Variants in PLA2G4D observed in about 807,000 individuals in gnomAD.
PLA2G4D encodes the protein phospholipase A2 group IVD, also known as cytosolic phospholipase A2 delta.
In PLA2G4D, 80 loss-of-function variants were observed where a neutral mutation model predicts 94.4. The ratio of observed to expected loss-of-function variants is 0.85; its 90% CI spans 0.71 to 1.02. PLA2G4D has a LOEUF of 1.02. Among genes scored for constraint, PLA2G4D ranks in the 50% least tolerant of loss-of-function variants. The probability of loss-of-function intolerance (pLI) is 0.00; values close to 1 mark genes in which losing one functional copy is unlikely to be tolerated. For synonymous variants in PLA2G4D, 438 were observed against 440.9 expected (o/e 0.99, Z 0.08); for missense variants, 1,050 against 1,034.7 (o/e 1.01, Z -0.20).
chr15:42,087,070 C>A (rs370529950), intron 3 of PLA2G4D, among the ~76,000 whole-genome samples: 2 of 152,124 alleles, frequency 1.3e-5, no homozygotes, highest in African/African-American at 4.8e-5. Context: ...AGCTGGGCTT[C>A]GAGAGGAACC....
chr15:42,078,549 T>C (rs1889972215), intron 13 of PLA2G4D, among the ~76,000 whole-genome samples: 3 of 152,236 alleles, frequency 2.0e-5, no homozygotes. Context: ...TTCTAAGCAG[T>C]GTTGTACTTA....
intron 5 of PLA2G4D, 135 bp downstream of exon 5, chr15:42,085,356 C>A: frequency 8.9e-7 from 1 of 1,124,038 alleles, no homozygotes. Context: ...AGCCCCGCCC[C>A]ACTCCCGACC....
chr15:42,086,404 C>G, intron 3 of PLA2G4D, 60 bp from the exon 4 acceptor site: 2 of 1,548,238 alleles, frequency 1.3e-6, no homozygotes, highest in Non-Finnish European at 1.8e-6. Flanking sequence ...TAGCTCACCT[C>G]TGTTGAGCCC....
At chr15:42,079,462 G>T in intron 13 of PLA2G4D, 75 bp downstream of exon 13, 1 of 1,430,458 alleles carries the variant, frequency 7.0e-7, no homozygotes, top group Non-Finnish European at 9.4e-7. Flanking sequence ...GCACGCGCAT[G>T]TCAGCCGCTT....
chr15:42,086,194 T>TGGGGGGGGGCGGC lies in PLA2G4D; in HGVS notation c.387+18_387+19insGCCGCCCCCCCCC. 7.3e-7 allele frequency: 1 copy of TGGGGGGGGGCGGC among 1,370,444 alleles called. No homozygotes were observed. The highest frequency in any genetic ancestry group is 9.6e-7 in the Non-Finnish European group (1 of 1,043,084). The allele number at this position is 1,370,444 out of a possible 1,614,324, so 84.9% of individuals were successfully genotyped here. On this transcript the variant is annotated intron_variant, in intron 4 of 19. Coordinates refer to ENST00000290472, the MANE Select transcript of PLA2G4D (RefSeq NM_178034.4). ...GGAAGAAGTGGGGCCCACGGGGACT[T>TGGGGGGGGGCGGC]CCCCACCCACCCACCCACCTGGGGA...
At position 42,084,249 on chromosome 15, in the gene PLA2G4D, C is replaced by A. The variant is rs982382817; in HGVS notation, c.472-470G>T. On this transcript the variant is annotated intron_variant, in intron 6 of 19. Transcript: ENST00000290472. This position sits in a 1 kb window ranked among gnomAD's most constrained non-coding sequence, Gnocchi z 4.8. ...GGGGACAATGACAAGGCCAGGCCCC[C>A]GTGGCCTTGCCAAGGGAGCCTCTGC... Among the ~76,000 whole-genome samples, 2 of 152,096 alleles carry A rather than the reference C, an allele frequency of 1.3e-5. No homozygotes were observed. Among genetic ancestry groups the A allele is most frequent in the East Asian group, 3.9e-4 (2 of 5,172 alleles).
Position 42,080,992 on chromosome 15 carries a change from C to T in PLA2G4D, c.1094+5G>A. On this transcript the variant is annotated splice_donor_5th_base_variant and intron_variant, in intron 12 of 19. Coordinates refer to ENST00000290472, the MANE Select transcript of PLA2G4D (RefSeq NM_178034.4). ...CTCTGCCACCCAGTCCCCCAGGATC[C>T]TCACCACGTAGAGCCAGAGATGCCA... The T allele has an allele frequency of 6.2e-7, 1 of 1,613,392 alleles. No homozygotes were observed. Among genetic ancestry groups the T allele is most frequent in the South Asian group, 1.1e-5 (1 of 91,012 alleles).
Position 42,068,424 on chromosome 15 carries a change from A to C in PLA2G4D, c.*291T>G. On this transcript the variant is annotated 3_prime_UTR_variant, in exon 20 of 20. Coordinates refer to ENST00000290472, the MANE Select transcript of PLA2G4D (RefSeq NM_178034.4). ...ATCTGCTGCCTCCGGCTTGCACTTC[A>C]AATCTATCCTGCTCAGGCATGGAAG... is the stretch of plus-strand genomic sequence containing the variant. 2.5e-6 allele frequency: 1 copy of C among 398,204 alleles called. No individual in the cohort carries two copies. The highest frequency in any genetic ancestry group is 4.6e-6 in the Non-Finnish European group (1 of 216,226). 24.7% of individuals were successfully genotyped at this position (398,204 alleles called of 1,614,324 possible).
Position 42,079,543 on chromosome 15 carries a change from G to C in PLA2G4D, c.1311C>G (p.His437Gln). 1 of 1,600,876 alleles carries C rather than the reference G, an allele frequency of 6.2e-7. No individual in the cohort carries two copies. The highest frequency in any genetic ancestry group is 8.5e-7 in the Non-Finnish European group (1 of 1,176,832). The change falls in exon 13 of 20, where the codon CAC becomes CAG. Residue 437 changes from histidine (H) to glutamine (Q), a missense_variant. His to Gln is a conservative substitution (Grantham distance 24, BLOSUM62 0). Transcript: ENST00000290472. Reference sequence around the variant, plus strand: ...ACGTGCGCAGGCGCCCTACCTGGCCGTGCAGCATGGACTCCAGCACTAGCG... The same window carrying C: ...ACGTGCGCAGGCGCCCTACCTGGCCCTGCAGCATGGACTCCAGCACTAGCG... ...LWALVLESML[H>Q]GQVMDQKLSG... is the part of the protein sequence containing the mutation.
At chr15:42,086,446 T>C in intron 3 of PLA2G4D, 102 bp from the exon 4 acceptor site, 1 of 1,171,602 alleles carries the variant, frequency 8.5e-7, no homozygotes, top group African/African-American at 1.5e-5. Flanking sequence ...AGAAGATCAT[T>C]ATGCCACCAC....
At chr15:42,090,712 G>A (rs7166093) in intron 1 of PLA2G4D, among the ~76,000 whole-genome samples, 12,297 of 152,214 alleles carry the variant, frequency 0.081, 627 homozygotes, top group Middle Eastern at 0.14. Context: ...CTCCCAAATC[G>A]CTGACACTTA....
intron 1 of PLA2G4D, among the ~76,000 whole-genome samples, chr15:42,089,988 C>T (rs1890221517): frequency 6.6e-6 from 1 of 152,204 alleles, no homozygotes; most frequent in Admixed American, 6.5e-5. Flanking sequence ...CGATTCTCTT[C>T]ACCTCTAAGA....
Position 42,071,207 on chromosome 15 carries a change from G to A in PLA2G4D, c.1792C>T (p.Leu598Phe), listed in dbSNP as rs765087738. 13 of 1,613,408 alleles carry A rather than the reference G, an allele frequency of 8.1e-6. No homozygotes were observed. The South Asian group carries it at 1.3e-4, about 16-fold the overall frequency. Residue 598 changes from leucine (L) to phenylalanine (F), a missense_variant, in exon 17 of 20, where the codon CTC becomes TTC. Leu to Phe is a conservative substitution (Grantham distance 22). Coordinates refer to ENST00000290472, the MANE Select transcript of PLA2G4D (RefSeq NM_178034.4). The part of the protein sequence containing the change: ...AFKGFLTGRP[L>F]HQRSPNFLQG... ...AGGAAGTTGGGGCTGCGCTGGTGGA[G>A]GGGCCTGCCTGTCAGGAAGCCTTTA...
rs199959919 is a variant in PLA2G4D, at chr15:42,071,893, G to A, written c.1454C>T (p.Pro485Leu). The change falls in exon 15 of 20, where the codon CCC becomes CTC. Residue 485 changes from proline (P) to leucine (L), a missense_variant. Transcript: ENST00000290472. ...GTACTTCAGGAAACCGACCTCATAG[G>A]GGGAGAACTCAACCCACTCTAATGG... ...LDFKEWVEFS[P>L]YEVGFLKYGA... 22 of 1,614,026 alleles carry A rather than the reference G, an allele frequency of 1.4e-5. No homozygotes were observed. Among genetic ancestry groups the A allele is most frequent in the Non-Finnish European group, 1.8e-5 (21 of 1,180,016 alleles).
At position 42,071,858 on chromosome 15, in the gene PLA2G4D, C is replaced by G; in HGVS notation, c.1489G>C (p.Val497Leu). The G allele has an allele frequency of 6.2e-7, 1 of 1,614,170 alleles. No homozygotes were observed. The highest frequency in any genetic ancestry group is 8.5e-7 in the Non-Finnish European group (1 of 1,180,016). The change falls in exon 15 of 20, where the codon GTC (valine) becomes CTC (leucine). Residue 497 changes from valine to leucine, a missense_variant. By Grantham distance (32) the Val-to-Leu change is conservative (BLOSUM62 1). Coordinates refer to ENST00000290472, the MANE Select transcript of PLA2G4D (RefSeq NM_178034.4). ...TCGGAGCCGAAGAGCTCAGGAGGGACGAAGGCCCCGTACTTCAGGAAACCG... is the reference window on the plus strand; with the variant it reads ...TCGGAGCCGAAGAGCTCAGGAGGGAGGAAGGCCCCGTACTTCAGGAAACCG... ...EVGFLKYGAFVPPELFGSEFF... is the reference protein window; with the variant it reads ...EVGFLKYGAFLPPELFGSEFF...
At chr15:42,071,349 C>T in intron 16 of PLA2G4D, 32 bp from the exon 17 acceptor site, 2 of 1,569,416 alleles carry the variant, frequency 1.3e-6, no homozygotes, top group Non-Finnish European at 8.6e-7. Flanking sequence ...TTGGTCCCTT[C>T]TTCCCCTTAC....
rs146924938 is a variant in PLA2G4D, at chr15:42,070,736, G to A, written c.2024C>T (p.Ser675Phe). The A allele has an allele frequency of 2.6e-6, 4 of 1,563,458 alleles. No homozygotes were observed. In the African/African-American group the frequency reaches 4.1e-5, roughly 16 times the overall value. Residue 675 changes from serine (S) to phenylalanine (F), a missense_variant, in exon 18 of 20, where the codon TCC (serine) becomes TTC (phenylalanine). Ser to Phe is a radical substitution (Grantham distance 155, BLOSUM62 -2). Coordinates refer to ENST00000290472, the MANE Select transcript of PLA2G4D (RefSeq NM_178034.4). ...RLDLILSFDY[S>F]LSAPFEALQQ... ...GGGTACCTCGAAGGGCGCAGATAGG[G>A]AGTAGTCGAAGGAGAGGATGAGGTC...
Position 42,081,484 on chromosome 15 carries a change from C to A in PLA2G4D, c.952G>T (p.Asp318Tyr). 6.2e-7 allele frequency: 1 copy of A among 1,613,728 alleles called. No homozygotes were observed. The highest frequency in any genetic ancestry group is 8.5e-7 in the Non-Finnish European group (1 of 1,179,772). Residue 318 changes from aspartate to tyrosine, a missense_variant, in exon 11 of 20, where the codon GAT (aspartate) becomes TAT (tyrosine). Asp to Tyr is a radical substitution (Grantham distance 160). Transcript: ENST00000290472. ...ALQLDRDLQE[D>Y]EVPVVGIMAT... ...ATCCCTCTGCACCCCCAGACCTCAT[C>A]CTCCTGCAGGTCTCTGTCCAGCTGC...
chr15:42,076,488 A>G (rs1481116714), intron 13 of PLA2G4D, among the ~76,000 whole-genome samples: 1 of 152,208 alleles, frequency 6.6e-6, no homozygotes, highest in Non-Finnish European at 1.5e-5. Flanking sequence ...ACTGGTAAGG[A>G]TTCACATCGA....
Sources: allele counts gnomAD v4.1 joint callset (sites outside exome capture counted in the v4.1 genomes callset), GRCh38; gene constraint gnomAD v4.1.1; non-coding constraint Gnocchi (gnomAD v3.1); transcripts MANE v1.5; gene names NCBI Gene and HGNC (gene_info 2026-07-23, HGNC 2026-07-21).